STK10: variants seen among roughly 807,000 people sequenced by gnomAD.
The protein encoded by STK10 is serine/threonine-protein kinase 10.
In STK10, 78 loss-of-function variants were observed where a neutral mutation model predicts 113.8. The ratio of observed to expected loss-of-function variants is 0.69; its 90% confidence interval spans 0.57 to 0.83. The LOEUF (loss-of-function observed/expected upper bound fraction) is 0.83, where lower values mean the gene tolerates loss of function less well. Ranked by LOEUF, STK10 falls within the 40% of genes least tolerant of loss-of-function variation. The probability of loss-of-function intolerance (pLI) is 0.00; values close to 1 mark genes in which losing one functional copy is unlikely to be tolerated. For synonymous variants in STK10, 465 were observed against 494.7 expected, an observed-to-expected ratio of 0.94 and a Z score of 0.80; for missense variants, 1,109 against 1,280.1, an observed-to-expected ratio of 0.87 and a Z score of 2.04.
In STK10 at chr5:172,133,847, AGAT is replaced by A; in HGVS notation, c.322-6429_322-6427del. On this transcript the variant is annotated intron_variant, in intron 2 of 18. Coordinates refer to ENST00000176763, the MANE Select transcript of STK10 (RefSeq NM_005990.4). The surrounding 1 kb of genome is among the most constrained non-coding windows in gnomAD (Gnocchi z 4.9). The stretch of plus-strand genomic sequence containing the variant: ...AGTACCTGATCCCACGCTTGGCAGG[AGAT>A]GATGAGTAACCACACTCTCCAGGTG... 6.6e-6 allele frequency among the ~76,000 whole-genome samples: 1 copy of A among 152,298 alleles called. No homozygotes were observed. Among genetic ancestry groups the A allele is most frequent in the South Asian group, 2.1e-4 (1 of 4,824 alleles).
intron 2 of STK10, among the ~76,000 whole-genome samples, chr5:172,151,283 A>G (rs1336080493): frequency 6.6e-6 from 1 of 152,124 alleles, no homozygotes; most frequent in African/African-American, 2.4e-5. Context: ...GGCAGGCAGG[A>G]GACGGATTGC....
At chr5:172,132,200 T>C (rs1769770639) in intron 2 of STK10, among the ~76,000 whole-genome samples, 1 of 152,206 alleles carries the variant, frequency 6.6e-6, no homozygotes, top group Admixed American at 6.5e-5. Flanking sequence ...TTACTACATA[T>C]GCATGCTTAG....
At chr5:172,150,004 G>A (rs748079333) in intron 2 of STK10, among the ~76,000 whole-genome samples, 46 of 135,858 alleles carry the variant, frequency 3.4e-4, no homozygotes, top group East Asian at 1.7e-3. Flanking sequence ...CCGAGATCGC[G>A]CCATTGCAGT....
rs547404592 is a variant in STK10 at position 172,086,213 on chromosome 5, C to A, written c.1686-3129G>T. 9.9e-5 allele frequency among the ~76,000 whole-genome samples: 15 copies of A among 152,216 alleles called. No homozygotes were observed. The East Asian group carries it at 1.7e-3, about 18-fold the overall frequency. On this transcript the variant is annotated intron_variant, in intron 10 of 18. Coordinates refer to ENST00000176763, the MANE Select transcript of STK10 (RefSeq NM_005990.4). ...CAGCACTCTGTAAATGGCAACTGGT[C>A]GAATTCTACCAAGGAAGAAGAGGCA... is the stretch of plus-strand genomic sequence containing the variant.
In STK10 at chr5:172,105,759, G is replaced by T; in HGVS notation, c.789-22C>A. 3 of 1,611,660 alleles carry T rather than the reference G, an allele frequency of 1.9e-6. No individual in the cohort carries two copies. In the Admixed American group the frequency reaches 5.0e-5, roughly 27 times the overall value. Reference sequence around the variant, plus strand: ...AGACCTGGGAGGACAGGCGTCAGAGGTAAGCATGGAGGAGGCAAGAGCAGA... The same window carrying T: ...AGACCTGGGAGGACAGGCGTCAGAGTTAAGCATGGAGGAGGCAAGAGCAGA... On this transcript the variant is annotated intron_variant, in intron 6 of 18. Transcript: ENST00000176763.
At chr5:172,180,515 G>C (rs1190317316) in intron 1 of STK10, among the ~76,000 whole-genome samples, 1 of 151,638 alleles carries the variant, frequency 6.6e-6, no homozygotes, top group Non-Finnish European at 1.5e-5. Flanking sequence ...CAACGGCCAG[G>C]TGCAGTGGCT....
chr5:172,107,140 G>A (rs1298692328), intron 5 of STK10: 7 of 282,714 alleles, frequency 2.5e-5, no homozygotes, highest in Non-Finnish European at 1.3e-5. Context: ...GTGGAGGTGG[G>A]TGGGCGAGAA....
chr5:172,169,083 T>A (rs1770620578), intron 1 of STK10, among the ~76,000 whole-genome samples: 1 of 151,718 alleles, frequency 6.6e-6, no homozygotes, highest in Admixed American at 6.6e-5. Context: ...GAACACCTCC[T>A]CCCTACCTGC....
At chr5:172,079,954 CT>C (rs1486893181) in intron 12 of STK10, among the ~76,000 whole-genome samples, 1 of 152,150 alleles carries the variant, frequency 6.6e-6, no homozygotes, top group East Asian at 1.9e-4. Context: ...CTTTATTACA[CT>C]TTGCAGATAC....
intron 1 of STK10, among the ~76,000 whole-genome samples, chr5:172,168,224 C>T (rs538838550): frequency 6.6e-6 from 1 of 152,360 alleles, no homozygotes; most frequent in East Asian, 1.9e-4. Context: ...CAATGTACAG[C>T]TGTGCTGTCC....
chr5:172,093,420 A>G lies in STK10; in HGVS notation c.1546T>C (p.Ser516Pro). ...LSLNKEMGSL[S>P]IKDPKLYKKT... ...GGCAGAGGCGGTGTTACCTTGATGGACAGAGAGCCCATCTCTTTGTTCAGC... is the reference window on the plus strand; with the variant it reads ...GGCAGAGGCGGTGTTACCTTGATGGGCAGAGAGCCCATCTCTTTGTTCAGC... The change falls in exon 9 of 19, where the codon TCC becomes CCC. Residue 516 changes from serine (S) to proline (P), a missense_variant. Ser to Pro is a moderately conservative substitution (Grantham distance 74, BLOSUM62 -1). Transcript: ENST00000176763. The surrounding 1 kb of genome is among the most constrained non-coding windows in gnomAD (Gnocchi z 4.1). 2 of 1,594,580 alleles carry G rather than the reference A, an allele frequency of 1.3e-6. No individual in the cohort carries two copies. Among genetic ancestry groups the G allele is most frequent in the Non-Finnish European group, 1.7e-6 (2 of 1,165,046 alleles).
intron 1 of STK10, among the ~76,000 whole-genome samples, chr5:172,166,728 G>A (rs1192530276): frequency 6.6e-6 from 1 of 152,186 alleles, no homozygotes; most frequent in East Asian, 1.9e-4. Context: ...AGTAAAATGG[G>A]TGAACGCATT....
In STK10 at chr5:172,171,006, C is replaced by T. The variant is rs141605267; in HGVS notation, c.157-14218G>A. On this transcript the variant is annotated intron_variant, in intron 1 of 18. Transcript: ENST00000176763. ...GCCCCCTGCCTGCATGTGTTTAAGA[C>T]ACTCATTTAATCTTCACCACAACCT... Among the ~76,000 whole-genome samples the T allele has an allele frequency of 6.4e-3, 974 of 152,322 alleles. 9 individuals are homozygous for T. The highest frequency in any genetic ancestry group is 9.5e-3 in the Non-Finnish European group (645 of 68,030).
intron 5 of STK10, 102 bp downstream of exon 5, chr5:172,107,678 T>TGCCCACAGGATGACCGGGC: frequency 1.9e-6 from 2 of 1,075,814 alleles, no homozygotes; most frequent in Non-Finnish European, 2.7e-6. Flanking sequence ...GCAGGGCGTG[T>TGCCCACAGGATGACCGGGC]AGCCCTTGTC....
intron 12 of STK10, among the ~76,000 whole-genome samples, chr5:172,079,455 A>G (rs1283250934): frequency 6.6e-6 from 1 of 152,164 alleles, no homozygotes; most frequent in East Asian, 1.9e-4. Flanking sequence ...GCATGTTGGC[A>G]ACTGTTTTAT....
intron 12 of STK10, among the ~76,000 whole-genome samples, chr5:172,072,598 C>T (rs981192553): frequency 3.9e-5 from 6 of 152,118 alleles, no homozygotes; most frequent in Non-Finnish European, 8.8e-5. Flanking sequence ...TCAGCTTCTG[C>T]GTCTGTATAA....
intron 13 of STK10, among the ~76,000 whole-genome samples, chr5:172,063,257 A>G (rs1767974026): frequency 6.8e-6 from 1 of 146,048 alleles, no homozygotes; most frequent in African/African-American, 2.5e-5. Flanking sequence ...CTCAAAAAAG[A>G]AAAAAAAAAA....
At position 172,067,336 on chromosome 5, in the gene STK10, A is replaced by T. The variant is rs1768091435; in HGVS notation, c.1990-2524T>A. On this transcript the variant is annotated intron_variant, in intron 12 of 18. Coordinates refer to ENST00000176763, the MANE Select transcript of STK10 (RefSeq NM_005990.4). ...TGCACCACTGCACTCCATCCTGGGC[A>T]ACAGAGCAAGACCCTGTCTCTAAAT... Among the ~76,000 whole-genome samples the T allele has an allele frequency of 3.3e-5, 5 of 151,984 alleles. No homozygotes were observed. In the South Asian group the frequency reaches 8.3e-4, roughly 25 times the overall value.
chr5:172,140,289 T>C (rs542397331), intron 2 of STK10, among the ~76,000 whole-genome samples: 35 of 152,322 alleles, frequency 2.3e-4, no homozygotes, highest in African/African-American at 8.4e-4. Flanking sequence ...AGACAAAAGA[T>C]GACACGTGTT....
Sources: gnomAD v4.1 joint callset for allele counts (sites outside exome capture counted in the v4.1 genomes callset) on GRCh38, gnomAD v4.1.1 for gene constraint, Gnocchi (gnomAD v3.1) non-coding constraint, MANE v1.5 for transcripts, NCBI Gene and HGNC (gene_info 2026-07-23, HGNC 2026-07-21) for gene names.